Variants in ZNF451 observed in about 807,000 individuals in gnomAD.
ZNF451 encodes the protein E3 SUMO-protein ligase ZNF451.
ZNF451 carries 80 observed loss-of-function variants against 107.1 expected under a neutral mutation model. The observed-to-expected ratio is 0.75, with a 90% CI of 0.62 to 0.90. The LOEUF (loss-of-function observed/expected upper bound fraction) is 0.90, where lower values mean the gene tolerates loss of function less well. Ranked by LOEUF, ZNF451 falls within the 40% of genes least tolerant of loss-of-function variation. ZNF451 has a pLI of 0.00. For synonymous variants in ZNF451, 362 were observed against 406.5 expected, an observed-to-expected ratio of 0.89 and a Z score of 1.32; for missense variants, 1,107 against 1,236.2, an observed-to-expected ratio of 0.90 and a Z score of 1.57.
chr6:57,113,832 A>G (rs1055350941), intron 3 of ZNF451, among the ~76,000 whole-genome samples: 2 of 152,096 alleles, frequency 1.3e-5, no homozygotes, highest in African/African-American at 4.8e-5. Context: ...CATGTTAGCC[A>G]GGATGCTCTC....
At chr6:57,107,302 C>A (rs140387671) in intron 3 of ZNF451, 19,492 of 984,858 alleles carry the variant, frequency 0.02, 214 homozygotes, top group Non-Finnish European at 0.022. Flanking sequence ...TCAGTGTATA[C>A]TAGACAGGAT....
chr6:57,106,077 T>C (rs1829839205), intron 3 of ZNF451: 1 of 985,360 alleles, frequency 1.0e-6, no homozygotes. Flanking sequence ...TGATTGATAA[T>C]GTCCTTAAGG....
intron 4 of ZNF451, among the ~76,000 whole-genome samples, chr6:57,128,341 G>C (rs545047925): frequency 6.6e-6 from 1 of 152,038 alleles, no homozygotes; most frequent in African/African-American, 2.4e-5. Context: ...AGTTGCACAT[G>C]GATTTGAAAT....
intron 13 of ZNF451, among the ~76,000 whole-genome samples, chr6:57,154,985 T>G (rs1022764679): frequency 6.6e-6 from 1 of 152,154 alleles, no homozygotes; most frequent in Non-Finnish European, 1.5e-5. Context: ...AGTGGATCAA[T>G]TCACTTCTGC....
chr6:57,120,756 C>T (rs938661536), intron 3 of ZNF451, among the ~76,000 whole-genome samples: 1 of 152,044 alleles, frequency 6.6e-6, no homozygotes, highest in Admixed American at 6.6e-5. Flanking sequence ...TCTTATTGTT[C>T]AGTGTTGAGT....
intron 3 of ZNF451, chr6:57,108,942 A>G (rs1418326066): frequency 9.1e-6 from 9 of 985,318 alleles, no homozygotes; most frequent in Non-Finnish European, 1.1e-5. Flanking sequence ...ATTCAGCATT[A>G]TACTAGGCTG....
At chr6:57,140,353 C>T (rs1745217740) in intron 7 of ZNF451, among the ~76,000 whole-genome samples, 1 of 152,004 alleles carries the variant, frequency 6.6e-6, no homozygotes, top group African/African-American at 2.4e-5. Flanking sequence ...ATCACTTGAA[C>T]CCAGAAGTTC....
intron 3 of ZNF451, chr6:57,104,726 ATGT>A: frequency 1.0e-6 from 1 of 985,354 alleles, no homozygotes; most frequent in Non-Finnish European, 1.2e-6. Flanking sequence ...TTGTAAGATG[ATGT>A]TGCTGTTCTC....
intron 13 of ZNF451, chr6:57,158,486 C>G: frequency 1.0e-6 from 1 of 984,374 alleles, no homozygotes; most frequent in Non-Finnish European, 1.2e-6. Flanking sequence ...GATCTTTTGT[C>G]TCATAATTAA....
At chr6:57,106,787 G>A (rs972850619) in intron 3 of ZNF451, 4 of 985,082 alleles carry the variant, frequency 4.1e-6, no homozygotes, top group African/African-American at 3.5e-5. Flanking sequence ...GATCGATTCT[G>A]TGTGGTTTAT....
At chr6:57,155,264 T>A (rs1763358184) in intron 13 of ZNF451, among the ~76,000 whole-genome samples, 1 of 152,096 alleles carries the variant, frequency 6.6e-6, no homozygotes. Context: ...GGTGGGTGGA[T>A]CACCTGAGGT....
rs1397051822 is a variant in ZNF451, at chr6:57,147,547, A to G, written c.1462A>G (p.Lys488Glu). 2.5e-6 allele frequency: 4 copies of G among 1,614,182 alleles called. No individual in the cohort carries two copies. The highest frequency in any genetic ancestry group is 3.4e-6 in the Non-Finnish European group (4 of 1,179,990). ...QRFPSEDAVE[K>E]HVFSANTMGY... ...ATTCCCAAGTGAAGATGCAGTAGAA[A>G]AGCATGTTTTCTCAGCAAACACAAT... Residue 488 changes from lysine to glutamate, a missense_variant, in exon 10 of 15, where the codon AAG (lysine) becomes GAG (glutamate). Lys to Glu is a moderately conservative substitution (Grantham distance 56). Coordinates refer to ENST00000370706, the MANE Select transcript of ZNF451 (RefSeq NM_001031623.3).
intron 5 of ZNF451, 30 bp downstream of exon 5, chr6:57,128,870 C>G: frequency 6.6e-7 from 1 of 1,513,460 alleles, no homozygotes; most frequent in Non-Finnish European, 9.1e-7. Context: ...CTAAGGTTAC[C>G]TAGCTTCCCC....
At chr6:57,100,903 G>A in intron 3 of ZNF451, 2 of 1,550,634 alleles carry the variant, frequency 1.3e-6, no homozygotes, top group Non-Finnish European at 1.7e-6. Flanking sequence ...CTCTTCTGAG[G>A]TCAAAGAGAA....
chr6:57,104,371 C>G (rs901200261), intron 3 of ZNF451: 1 of 985,288 alleles, frequency 1.0e-6, no homozygotes, highest in African/African-American at 1.7e-5. Context: ...TGTGGCTGCA[C>G]ATAAGTGTTT....
chr6:57,108,838 T>C (rs983052998), intron 3 of ZNF451: 1 of 985,412 alleles, frequency 1.0e-6, no homozygotes, highest in Non-Finnish European at 1.2e-6. Flanking sequence ...TTCATTCTTA[T>C]TTTGCAGAAG....
Position 57,168,561 on chromosome 6 carries a change from C to A in ZNF451, c.*92C>A. On this transcript the variant is annotated 3_prime_UTR_variant, in exon 15 of 15. Transcript: ENST00000370706. ...TTTTCTAAAGGAGACCAGAAATCCA[C>A]TATTACAAATGTATTTGAAAACATG... is the stretch of plus-strand genomic sequence containing the variant. 1 of 973,510 alleles carries A rather than the reference C, an allele frequency of 1.0e-6. No individual in the cohort carries two copies. Among genetic ancestry groups the A allele is most frequent in the Non-Finnish European group, 1.6e-6 (1 of 625,730 alleles). The allele number at this position is 973,510 out of a possible 1,614,324, so 60.3% of individuals were successfully genotyped here. A position where few individuals can be genotyped will look rare whatever the true frequency, so the allele number is the denominator to read the frequency against.
chr6:57,134,769 A>G lies in ZNF451; in HGVS notation c.601A>G (p.Thr201Ala). 6.2e-7 allele frequency: 1 copy of G among 1,613,350 alleles called. No homozygotes were observed. The change falls in exon 7 of 15, where the codon ACA (threonine) becomes GCA (alanine). Residue 201 changes from threonine to alanine, a missense_variant. Thr to Ala is a moderately conservative substitution (Grantham distance 58, BLOSUM62 0). Transcript: ENST00000370706. ...GTTCGATCACTCTCCATGTGATCCA[A>G]CAATTACACTACATGGACCTTTCTT... The part of the protein sequence containing the change: ...KRFDHSPCDP[T>A]ITLHGPFFSS...
At chr6:57,144,234 CTTTTTTT>C (rs57250829) in intron 9 of ZNF451, among the ~76,000 whole-genome samples, 13 of 114,776 alleles carry the variant, frequency 1.1e-4, no homozygotes, top group African/African-American at 2.1e-4. Context: ...GAATTATATC[CTTTTTTT>C]TTTTTTTTTT....
Sources: gnomAD v4.1 joint callset for allele counts (sites outside exome capture counted in the v4.1 genomes callset) on GRCh38, gnomAD v4.1.1 for gene constraint, MANE v1.5 for transcripts, NCBI Gene and HGNC (gene_info 2026-07-23, HGNC 2026-07-21) for gene names.